The following GRIK5 variants were observed in gnomAD, a reference collection of about 807,000 sequenced individuals.
GRIK5 encodes glutamate receptor ionotropic, kainate 5.
A neutral mutation model predicts 97.4 loss-of-function variants in GRIK5; 43 were observed. The observed-to-expected ratio is 0.44, with a 90% CI of 0.35 to 0.57. The LOEUF is 0.57. Ranked by LOEUF, GRIK5 falls within the 20% of genes least tolerant of loss-of-function variation. The pLI, the probability that GRIK5 is intolerant of heterozygous loss-of-function variation, is 0.01. For missense variants in GRIK5, 1,015 were observed against 1,382.0 expected (o/e 0.73, Z 4.21); for synonymous variants, 580 against 583.5 (o/e 0.99, Z 0.09).
chr19:42,047,890 G>A (rs974625870), intron 11 of GRIK5, among the ~76,000 whole-genome samples: 1 of 147,414 alleles, frequency 6.8e-6, no homozygotes, highest in Admixed American at 7.0e-5. Context: ...AGAATCACTT[G>A]AACCCAGGAG....
At position 42,070,120 on chromosome 19, in the gene GRIK5, C is replaced by T. The variant is rs144635366; in HGVS notation, c.-930G>A. On this transcript the variant is annotated 5_prime_UTR_variant, in exon 1 of 20. Transcript: ENST00000593562. ...TCCCCGGCTGGGCCTGCCTCCCTGCCGCTGGCTGCCGCCACCGCTCAGTCT... is the reference window on the plus strand; with the variant it reads ...TCCCCGGCTGGGCCTGCCTCCCTGCTGCTGGCTGCCGCCACCGCTCAGTCT... Among the ~76,000 whole-genome samples the T allele has an allele frequency of 7.0e-3, 1,058 of 152,228 alleles. 3 individuals carry two copies. The highest frequency in any genetic ancestry group is 0.01 in the Middle Eastern group (3 of 294).
At chr19:42,008,977 A>T (rs2075526597) in intron 15 of GRIK5, among the ~76,000 whole-genome samples, 1 of 152,200 alleles carries the variant, frequency 6.6e-6, no homozygotes, top group African/African-American at 2.4e-5. Context: ...CTGTAATCCT[A>T]GCACACTGGG....
rs551047815 is a variant in GRIK5, at chr19:42,057,375, C to CT, written c.688-398dup. Among the ~76,000 whole-genome samples, 642 of 144,398 alleles carry CT rather than the reference C, an allele frequency of 4.4e-3. 2 individuals are homozygous for CT. The highest frequency in any genetic ancestry group is 0.013 in the African/African-American group (528 of 39,492). 94.7% of individuals were successfully genotyped at this position (144,398 alleles called of 152,430 possible). ...GAAATAGGGCAGGAAGGGGAATTATCTTTTTTTTTTTTTAAAGACAAGATC... is the reference window on the plus strand; with the variant it reads ...GAAATAGGGCAGGAAGGGGAATTATCTTTTTTTTTTTTTTAAAGACAAGATC... On this transcript the variant is annotated intron_variant, in intron 6 of 19. Coordinates refer to ENST00000593562, the MANE Select transcript of GRIK5 (RefSeq NM_002088.5).
At chr19:42,025,918 A>G (rs2075765884) in intron 12 of GRIK5, among the ~76,000 whole-genome samples, 1 of 152,234 alleles carries the variant, frequency 6.6e-6, no homozygotes, top group Non-Finnish European at 1.5e-5. Context: ...AAGATCAGCC[A>G]GGGTAATGTA....
At chr19:42,027,671 C>A (rs1392829284) in intron 12 of GRIK5, among the ~76,000 whole-genome samples, 1 of 152,132 alleles carries the variant, frequency 6.6e-6, no homozygotes, top group Non-Finnish European at 1.5e-5. Context: ...GACTGAGTGG[C>A]AGCACTGGTG....
chr19:42,053,656 G>A lies in GRIK5; in HGVS notation c.1215C>T (p.Asp405=), dbSNP rs2076143949. Residue 405 remains aspartate (D), a synonymous_variant, in exon 11 of 20, where the codon GAC becomes GAT. Transcript: ENST00000593562. ...TGGCCAGTGTCTGCGACAGGTTGAT[G>A]TCCAGGGTGGTGGCATTCATGGCCA... ...RTLAMNATTL[D]INLSQTLANK... 6.2e-7 allele frequency: 1 copy of A among 1,613,682 alleles called. No homozygotes were observed. Among genetic ancestry groups the A allele is most frequent in the Non-Finnish European group, 8.5e-7 (1 of 1,179,574 alleles).
rs1012101126 is a variant in GRIK5, at chr19:42,012,906, T to C, written c.1872-6096A>G. Among the ~76,000 whole-genome samples, 11 of 151,978 alleles carry C rather than the reference T, an allele frequency of 7.2e-5. No homozygotes were observed. In the East Asian group the frequency reaches 1.2e-3, roughly 16 times the overall value. ...GGAATATTTTATGACACATGACTTA[T>C]ATAAAATTCAAATTTCAGTGTCAGT... is the stretch of plus-strand genomic sequence containing the variant. On this transcript the variant is annotated intron_variant, in intron 15 of 19. Transcript: ENST00000593562.
In GRIK5 at chr19:42,002,240, C is replaced by T. The variant is rs1182239752; in HGVS notation, c.2514+1092G>A. The T allele has an allele frequency of 1.4e-6, 1 of 717,420 alleles. No individual in the cohort carries two copies. Among genetic ancestry groups the T allele is most frequent in the Non-Finnish European group, 2.6e-6 (1 of 385,104 alleles). The allele number at this position is 717,420 out of a possible 1,614,324, so 44.4% of individuals were successfully genotyped here. Reference sequence around the variant, plus strand: ...AAACTGGAAGCATCAGGGAGACCCCCCACTGCTGCCAAGGCTGTAAAGAGA... The same window carrying T: ...AAACTGGAAGCATCAGGGAGACCCCTCACTGCTGCCAAGGCTGTAAAGAGA... On this transcript the variant is annotated intron_variant, in intron 19 of 19. Transcript: ENST00000593562. This position sits in a 1 kb window ranked among gnomAD's most constrained non-coding sequence, Gnocchi z 5.2.
At chr19:42,007,619 T>C (rs1188724010) in intron 15 of GRIK5, among the ~76,000 whole-genome samples, 1 of 152,038 alleles carries the variant, frequency 6.6e-6, no homozygotes, top group Non-Finnish European at 1.5e-5. Context: ...AGGAGGGAGC[T>C]GCAAAGAGAG....
At position 42,070,111 on chromosome 19, in the gene GRIK5, C is replaced by T. The variant is rs1307320190; in HGVS notation, c.-921G>A. Among the ~76,000 whole-genome samples the T allele has an allele frequency of 6.6e-6, 1 of 152,098 alleles. No homozygotes were observed. Among genetic ancestry groups the T allele is most frequent in the African/African-American group, 2.4e-5 (1 of 41,412 alleles). ...CGGCTCCAGTCCCCGGCTGGGCCTG[C>T]CTCCCTGCCGCTGGCTGCCGCCACC... On this transcript the variant is annotated 5_prime_UTR_variant, in exon 1 of 20. Coordinates refer to ENST00000593562, the MANE Select transcript of GRIK5 (RefSeq NM_002088.5).
intron 5 of GRIK5, among the ~76,000 whole-genome samples, chr19:42,059,802 C>A (rs963090707): frequency 6.6e-6 from 1 of 152,128 alleles, no homozygotes; most frequent in Non-Finnish European, 1.5e-5. Flanking sequence ...GTATCTCATG[C>A]TTAATCTCCT....
At chr19:42,005,680 A>G in intron 17 of GRIK5, 43 bp downstream of exon 17, 1 of 1,437,104 alleles carries the variant, frequency 7.0e-7, no homozygotes, top group South Asian at 1.2e-5. Flanking sequence ...GTGGTTTTGG[A>G]TGCCCACGGC....
chr19:42,068,019 CA>C (rs962127585), intron 1 of GRIK5, among the ~76,000 whole-genome samples: 2 of 152,154 alleles, frequency 1.3e-5, no homozygotes, highest in Non-Finnish European at 2.9e-5. Flanking sequence ...GATAAAGAAA[CA>C]GCAGCAGGTA....
At chr19:42,008,521 G>T (rs1447186473) in intron 15 of GRIK5, among the ~76,000 whole-genome samples, 1 of 152,268 alleles carries the variant, frequency 6.6e-6, no homozygotes. Context: ...CAGCTACTTG[G>T]GAGGCTGAGG....
intron 6 of GRIK5, among the ~76,000 whole-genome samples, chr19:42,057,923 C>T (rs1358683542): frequency 2.0e-5 from 3 of 152,200 alleles, no homozygotes; most frequent in African/African-American, 4.8e-5. Context: ...AGAATTATAA[C>T]ATTAAAGGGC....
Position 42,002,356 on chromosome 19 carries a change from G to T in GRIK5, c.2514+976C>A. 1 of 717,630 alleles carries T rather than the reference G, an allele frequency of 1.4e-6. No homozygotes were observed. Among genetic ancestry groups the T allele is most frequent in the Non-Finnish European group, 2.6e-6 (1 of 385,100 alleles). The allele number at this position is 717,630 out of a possible 1,614,324, so 44.5% of individuals were successfully genotyped here. On this transcript the variant is annotated intron_variant, in intron 19 of 19. Coordinates refer to ENST00000593562, the MANE Select transcript of GRIK5 (RefSeq NM_002088.5). The surrounding 1 kb of genome is among the most constrained non-coding windows in gnomAD (Gnocchi z 5.2). ...ATGACAGCATATTTGTACGTTGGTG[G>T]CCTGAATCCAATAAAGAGAGGACAA... is the stretch of plus-strand genomic sequence containing the variant.
chr19:42,035,604 G>A (rs2075894176), intron 12 of GRIK5, among the ~76,000 whole-genome samples: 1 of 152,118 alleles, frequency 6.6e-6, no homozygotes, highest in South Asian at 2.1e-4. Flanking sequence ...CAGCTACTTG[G>A]GAGGCTGAGG....
intron 3 of GRIK5, among the ~76,000 whole-genome samples, chr19:42,064,138 T>C (rs2076296104): frequency 6.6e-6 from 1 of 152,166 alleles, no homozygotes; most frequent in African/African-American, 2.4e-5. Context: ...AGTTTAGGAC[T>C]CTCAACTCAG....
intron 11 of GRIK5, among the ~76,000 whole-genome samples, chr19:42,045,729 T>C (rs1477612720): frequency 6.6e-6 from 1 of 152,160 alleles, no homozygotes; most frequent in Admixed American, 6.5e-5. Flanking sequence ...ATAATACTAA[T>C]AATAGCGGCA....
Sources: gnomAD v4.1 joint callset for allele counts (sites outside exome capture counted in the v4.1 genomes callset) on GRCh38, gnomAD v4.1.1 for gene constraint, Gnocchi (gnomAD v3.1) non-coding constraint, MANE v1.5 for transcripts, NCBI Gene and HGNC (gene_info 2026-07-23, HGNC 2026-07-21) for gene names.